KATNAL1: variants seen among roughly 807,000 people sequenced by gnomAD.
The protein encoded by KATNAL1 is katanin catalytic subunit A1 like 1.
Under a neutral mutation model 55.2 loss-of-function variants are expected in KATNAL1, and 32 were observed. The ratio of observed to expected loss-of-function variants is 0.58; its 90% CI spans 0.44 to 0.78. The LOEUF is 0.78. Ranked by LOEUF, KATNAL1 falls within the 30% of genes least tolerant of loss-of-function variation. The pLI is 0.00. For missense variants in KATNAL1, 466 were observed against 600.9 expected, an observed-to-expected ratio of 0.78 and a Z score of 2.35; for synonymous variants, 193 against 193.6, an observed-to-expected ratio of 1.00 and a Z score of 0.02.
chr13:30,217,044 ATATTCTGTTTCCCTAGTAAC>A (rs1037636246), intron 9 of KATNAL1, among the ~76,000 whole-genome samples: 3 of 151,862 alleles, frequency 2.0e-5, no homozygotes, highest in Non-Finnish European at 4.4e-5. Flanking sequence ...AGCAGAAAGC[ATATTCTGTTTCCCTAGTAAC>A]TATGATTGGT....
chr13:30,259,570 G>C (rs1344578811), intron 3 of KATNAL1, among the ~76,000 whole-genome samples: 2 of 152,230 alleles, frequency 1.3e-5, no homozygotes, highest in Admixed American at 6.5e-5. Flanking sequence ...GAAGAGCGAG[G>C]GGTCAGGGAG....
rs1167158781 is a variant in KATNAL1 at position 30,278,224 on chromosome 13, A to G, written c.323+1839T>C. ...TGGGAATGAAAATCTTTTTTTTTCC[A>G]GACAATATACAATCTGAGATTTGCT... On this transcript the variant is annotated intron_variant, in intron 3 of 10. Coordinates refer to ENST00000380615, the MANE Select transcript of KATNAL1 (RefSeq NM_032116.5). Among the ~76,000 whole-genome samples the G allele has an allele frequency of 8.6e-5, 13 of 151,216 alleles. 2 individuals are homozygous for G. Among genetic ancestry groups the G allele is most frequent in the Non-Finnish European group, 4.4e-5 (3 of 67,796 alleles).
At chr13:30,234,649 T>C (rs182141179) in intron 6 of KATNAL1, among the ~76,000 whole-genome samples, 1 of 152,346 alleles carries the variant, frequency 6.6e-6, no homozygotes, top group East Asian at 1.9e-4. Context: ...CCACCCTTTA[T>C]ATCTCACAAT....
At chr13:30,223,154 G>A (rs846488) in intron 9 of KATNAL1, among the ~76,000 whole-genome samples, 40,522 of 151,564 alleles carry the variant, frequency 0.27, 6,135 homozygotes, top group South Asian at 0.32. Context: ...ACTATATGCT[G>A]TCTATAAAAA....
intron 6 of KATNAL1, among the ~76,000 whole-genome samples, chr13:30,238,258 CATT>C (rs1876893682): frequency 6.6e-6 from 1 of 152,138 alleles, no homozygotes; most frequent in South Asian, 2.1e-4. Flanking sequence ...TCTAAGGCCT[CATT>C]AATTCATTTT....
In KATNAL1 at chr13:30,203,182, C is replaced by T. The variant is rs900643301; in HGVS notation, c.*5358G>A. The stretch of plus-strand genomic sequence containing the variant: ...ACAAAGACGGGAAAAGTAATTCAGA[C>T]ATTTCACAGAGGCCTTATTTGGAAT... On this transcript the variant is annotated 3_prime_UTR_variant, in exon 11 of 11. Coordinates refer to ENST00000380615, the MANE Select transcript of KATNAL1 (RefSeq NM_032116.5). 2 of 152,116 alleles carry T rather than the reference C, an allele frequency of 1.3e-5. No homozygotes were observed. The highest frequency in any genetic ancestry group is 4.8e-5 in the African/African-American group (2 of 41,424). The allele number at this position is 152,116 out of a possible 1,614,324, so 9.4% of individuals were successfully genotyped here.
intron 8 of KATNAL1, 50 bp downstream of exon 8, chr13:30,230,418 C>T (rs752191417): frequency 2.6e-6 from 4 of 1,557,864 alleles, no homozygotes; most frequent in South Asian, 2.3e-5. Context: ...TGAGTTTACA[C>T]AAAATATTTA....
At chr13:30,253,951 T>C (rs1404095677) in intron 4 of KATNAL1, among the ~76,000 whole-genome samples, 2 of 152,234 alleles carry the variant, frequency 1.3e-5, no homozygotes, top group African/African-American at 2.4e-5. Flanking sequence ...CCACAGTTTC[T>C]TCATCTGTAA....
intron 9 of KATNAL1, among the ~76,000 whole-genome samples, chr13:30,216,927 C>T (rs538655998): frequency 1.2e-4 from 19 of 152,304 alleles, no homozygotes; most frequent in Non-Finnish European, 2.5e-4. Context: ...AGTTCCTTAA[C>T]ACAAAGTTTA....
chr13:30,259,847 A>G (rs1172376865), intron 3 of KATNAL1, among the ~76,000 whole-genome samples: 1 of 152,214 alleles, frequency 6.6e-6, no homozygotes, highest in East Asian at 1.9e-4. Context: ...GCAGCCGGGA[A>G]GCTCGAACTG....
At chr13:30,264,046 A>G (rs1173947266) in intron 3 of KATNAL1, among the ~76,000 whole-genome samples, 6 of 148,732 alleles carry the variant, frequency 4.0e-5, no homozygotes, top group African/African-American at 7.4e-5. Context: ...CAACGGAACA[A>G]AACAGAGCCC....
At chr13:30,241,186 A>G in intron 4 of KATNAL1, 100 bp from the exon 5 acceptor site, 4 of 1,074,322 alleles carry the variant, frequency 3.7e-6, no homozygotes, top group Non-Finnish European at 5.4e-6. Context: ...TTTCTAAATA[A>G]TTTTTATTAT....
chr13:30,210,652 A>T (rs1873605242), intron 9 of KATNAL1: 7 of 8,290 alleles, frequency 8.4e-4, no homozygotes, highest in East Asian at 4.5e-3. Context: ...TAAAAATTGA[A>T]AAAAAAAAAA....
chr13:30,302,430 G>A (rs1369341781), intron 1 of KATNAL1, among the ~76,000 whole-genome samples: 3 of 144,900 alleles, frequency 2.1e-5, no homozygotes. Flanking sequence ...TACTCTCACA[G>A]AAGTAGGTCA....
chr13:30,216,540 C>A (rs1451109514), intron 9 of KATNAL1, among the ~76,000 whole-genome samples: 1 of 152,186 alleles, frequency 6.6e-6, no homozygotes, highest in East Asian at 1.9e-4. Context: ...ACAGAAAGGG[C>A]AGGACTGGAA....
chr13:30,208,053 T>C lies in KATNAL1; in HGVS notation c.*487A>G, dbSNP rs1450946866. 2 of 152,248 alleles carry C rather than the reference T, an allele frequency of 1.3e-5. No homozygotes were observed. Among genetic ancestry groups the C allele is most frequent in the African/African-American group, 2.4e-5 (1 of 41,430 alleles). The allele number at this position is 152,248 out of a possible 1,614,324, so 9.4% of individuals were successfully genotyped here. Reference sequence around the variant, plus strand: ...AACAGTAAGTCATAAATTCTAAAGGTTTAATTAGTAAATTCATTATTTCCT... The same window carrying C: ...AACAGTAAGTCATAAATTCTAAAGGCTTAATTAGTAAATTCATTATTTCCT... On this transcript the variant is annotated 3_prime_UTR_variant, in exon 11 of 11. Transcript: ENST00000380615.
chr13:30,231,535 A>AGC, intron 6 of KATNAL1, 63 bp from the exon 7 acceptor site: 1 of 1,093,458 alleles, frequency 9.1e-7, no homozygotes, highest in Non-Finnish European at 1.2e-6. Flanking sequence ...ATAAATTATC[A>AGC]TCAGCTATTA....
rs187969037 is a variant in KATNAL1, at chr13:30,208,343, G to A, written c.*197C>T. 74 of 520,454 alleles carry A rather than the reference G, an allele frequency of 1.4e-4. No individual in the cohort carries two copies. The highest frequency in any genetic ancestry group is 2.9e-4 in the Admixed American group (8 of 27,626). 32.2% of individuals were successfully genotyped at this position (520,454 alleles called of 1,614,324 possible). On this transcript the variant is annotated 3_prime_UTR_variant, in exon 11 of 11. Transcript: ENST00000380615. ...ATACGTGGAATACCAGCACAAAGCCGGGGAGGGAGACTAGCAAACTCTCGC... is the reference window on the plus strand; with the variant it reads ...ATACGTGGAATACCAGCACAAAGCCAGGGAGGGAGACTAGCAAACTCTCGC...
chr13:30,215,859 G>A (rs1874170640), intron 9 of KATNAL1, among the ~76,000 whole-genome samples: 2 of 152,044 alleles, frequency 1.3e-5, no homozygotes, highest in African/African-American at 4.8e-5. Flanking sequence ...ACACCAGCAT[G>A]GCACATGTAT....
Sources: allele counts gnomAD v4.1 joint callset (sites outside exome capture counted in the v4.1 genomes callset), GRCh38; gene constraint gnomAD v4.1.1; transcripts MANE v1.5; gene names NCBI Gene and HGNC (gene_info 2026-07-23, HGNC 2026-07-21).